GPC5: variants seen among roughly 807,000 people sequenced by gnomAD.
GPC5 encodes the protein glypican 5.
In GPC5, 47 loss-of-function variants were observed where a neutral mutation model predicts 53.9. The ratio of observed to expected loss-of-function variants is 0.87; its 90% CI spans 0.69 to 1.11. The LOEUF (loss-of-function observed/expected upper bound fraction) is 1.11, where lower values mean the gene tolerates loss of function less well. GPC5 is among the 50% of genes most tolerant of loss of function. The pLI is 0.00. For synonymous variants in GPC5, 286 were observed against 263.3 expected, an observed-to-expected ratio of 1.09 and a Z score of -0.84; for missense variants, 748 against 713.1, an observed-to-expected ratio of 1.05 and a Z score of -0.56.
intron 7 of GPC5, among the ~76,000 whole-genome samples, chr13:92,408,023 G>C (rs190562687): frequency 6.6e-6 from 1 of 152,172 alleles, no homozygotes; most frequent in East Asian, 1.9e-4. Context: ...GAACTGATCC[G>C]TGGCCCATGG....
rs1448689578 is a variant in GPC5, at chr13:91,426,173, T to C, written c.164-22588T>C. The stretch of plus-strand genomic sequence containing the variant: ...TTCAAGCCAGCTGCAGAAATTTGCA[T>C]AAGTAATGAGGAGCCAAATGTTAAC... On this transcript the variant is annotated intron_variant, in intron 1 of 7. Coordinates refer to ENST00000377067, the MANE Select transcript of GPC5 (RefSeq NM_004466.6). Among the ~76,000 whole-genome samples the C allele has an allele frequency of 8.5e-5, 13 of 152,148 alleles. No individual in the cohort carries two copies. The East Asian group carries it at 2.3e-3, about 27-fold the overall frequency.
At chr13:91,780,505 C>T (rs185125378) in intron 5 of GPC5, among the ~76,000 whole-genome samples, 3 of 152,084 alleles carry the variant, frequency 2.0e-5, no homozygotes, top group African/African-American at 2.4e-5. Context: ...CTTTCTTTTA[C>T]GTTTCTCTTA....
At chr13:91,972,849 T>A (rs1473780967) in intron 6 of GPC5, among the ~76,000 whole-genome samples, 5 of 152,368 alleles carry the variant, frequency 3.3e-5, no homozygotes, top group African/African-American at 1.2e-4. Flanking sequence ...GTTAGTCTGA[T>A]GGGCTTCCCT....
chr13:92,458,418 C>G (rs1157990244), intron 7 of GPC5, among the ~76,000 whole-genome samples: 1 of 152,022 alleles, frequency 6.6e-6, no homozygotes, highest in Non-Finnish European at 1.5e-5. Flanking sequence ...CCTGCCTCAG[C>G]CTCCCAAATA....
chr13:92,498,329 A>G (rs1008526059), intron 7 of GPC5, among the ~76,000 whole-genome samples: 37 of 152,066 alleles, frequency 2.4e-4, no homozygotes, highest in Non-Finnish European at 1.5e-4. Flanking sequence ...CATGTGCCAT[A>G]TGTTTACTGG....
chr13:91,708,744 A>G (rs1159858503), intron 3 of GPC5, among the ~76,000 whole-genome samples: 1 of 152,238 alleles, frequency 6.6e-6, no homozygotes, highest in Non-Finnish European at 1.5e-5. Context: ...AAATTGACTC[A>G]TGCAAATAGA....
chr13:92,644,454 A>G (rs929665286), intron 7 of GPC5, among the ~76,000 whole-genome samples: 2 of 152,158 alleles, frequency 1.3e-5, no homozygotes, highest in African/African-American at 4.8e-5. Flanking sequence ...AAATCTGTCT[A>G]TATAAGCTGA....
chr13:92,749,122 C>T (rs1467555452), intron 7 of GPC5, among the ~76,000 whole-genome samples: 1 of 152,140 alleles, frequency 6.6e-6, no homozygotes, highest in Non-Finnish European at 1.5e-5. Flanking sequence ...CTTACATTCT[C>T]AGATATTTTA....
chr13:91,876,895 C>A (rs2039208428), intron 5 of GPC5, among the ~76,000 whole-genome samples: 1 of 152,188 alleles, frequency 6.6e-6, no homozygotes, highest in Admixed American at 6.5e-5. Context: ...GGGCCAGGCC[C>A]AGGGTGCCTG....
chr13:92,378,156 A>T lies in GPC5; in HGVS notation c.1561+233167A>T, dbSNP rs138258707. On this transcript the variant is annotated intron_variant, in intron 7 of 7. Coordinates refer to ENST00000377067, the MANE Select transcript of GPC5 (RefSeq NM_004466.6). ...CATGTGAAGGGATCCAACTCAAAGA[A>T]AATGCCACTTTCCTGCTAGTCCTGC... Among the ~76,000 whole-genome samples, 193 of 152,324 alleles carry T rather than the reference A, an allele frequency of 1.3e-3. 1 individual carries two copies. Among genetic ancestry groups the T allele is most frequent in the Middle Eastern group, 6.8e-3 (2 of 294 alleles).
At chr13:92,339,712 AT>A (rs1409354305) in intron 7 of GPC5, 1 of 152,138 alleles carries the variant, frequency 6.6e-6, no homozygotes, top group Non-Finnish European at 1.5e-5. Flanking sequence ...ATGCTGTGCT[AT>A]TTTAGAATTA....
chr13:92,695,925 A>T (rs1831867), intron 7 of GPC5, among the ~76,000 whole-genome samples: 3 of 151,614 alleles, frequency 2.0e-5, no homozygotes, highest in African/African-American at 7.3e-5. Context: ...TTGTCCAACT[A>T]CCTATGAGTG....
At chr13:92,682,904 G>A (rs1887150825) in intron 7 of GPC5, among the ~76,000 whole-genome samples, 2 of 152,270 alleles carry the variant, frequency 1.3e-5, no homozygotes, top group East Asian at 3.9e-4. Context: ...GGTTAATACT[G>A]AAATGCAAGA....
intron 7 of GPC5, among the ~76,000 whole-genome samples, chr13:92,339,378 C>G (rs973216683): frequency 6.6e-6 from 1 of 151,916 alleles, no homozygotes; most frequent in Admixed American, 6.6e-5. Context: ...ATAAGAATGC[C>G]TTGTGTATTT....
chr13:92,804,176 G>A lies in GPC5; in HGVS notation c.1562-62106G>A, dbSNP rs77066339. 8.5e-3 allele frequency among the ~76,000 whole-genome samples: 1,294 copies of A among 152,008 alleles called. 19 individuals are homozygous for A. The highest frequency in any genetic ancestry group is 0.03 in the African/African-American group (1,241 of 41,512). On this transcript the variant is annotated intron_variant, in intron 7 of 7. Transcript: ENST00000377067. ...ACAAAATATTGTCCTGTAATATTTAGTGCTAAGGCAGACCTCTTCTAGAGC... is the reference window on the plus strand; with the variant it reads ...ACAAAATATTGTCCTGTAATATTTAATGCTAAGGCAGACCTCTTCTAGAGC...
In GPC5 at chr13:91,556,474, G is replaced by C. The variant is rs576336428; in HGVS notation, c.325+107552G>C. On this transcript the variant is annotated intron_variant, in intron 2 of 7. Transcript: ENST00000377067. ...TTGCAATTGCAAAAATATGGAACCA[G>C]CCCAAATGCCCATCAATCAATGAGT... 1.1e-4 allele frequency among the ~76,000 whole-genome samples: 16 copies of C among 151,460 alleles called. No homozygotes were observed. The South Asian group carries it at 3.1e-3, about 30-fold the overall frequency.
At chr13:92,182,817 C>T (rs955145388) in intron 7 of GPC5, among the ~76,000 whole-genome samples, 1 of 150,888 alleles carries the variant, frequency 6.6e-6, no homozygotes, top group Admixed American at 6.6e-5. Context: ...TGCAGTGAGC[C>T]GAGATCGTGC....
At chr13:91,929,305 G>A (rs2039798704) in intron 6 of GPC5, among the ~76,000 whole-genome samples, 1 of 152,058 alleles carries the variant, frequency 6.6e-6, no homozygotes, top group Non-Finnish European at 1.5e-5. Context: ...AAACAGAAAT[G>A]TGCCATTTGT....
At chr13:92,847,341 T>C (rs1405824116) in intron 7 of GPC5, among the ~76,000 whole-genome samples, 2 of 152,182 alleles carry the variant, frequency 1.3e-5, no homozygotes, top group Non-Finnish European at 2.9e-5. Context: ...GCCACTGTGA[T>C]ATGGTTTGGA....
Sources: gnomAD v4.1 joint callset for allele counts (sites outside exome capture counted in the v4.1 genomes callset) on GRCh38, gnomAD v4.1.1 for gene constraint, MANE v1.5 for transcripts, NCBI Gene and HGNC (gene_info 2026-07-23, HGNC 2026-07-21) for gene names.